SEMA6D: variants seen among roughly 807,000 people sequenced by gnomAD.
SEMA6D encodes the protein semaphorin-6D.
In SEMA6D, 35 loss-of-function variants were observed where a neutral mutation model predicts 106.6. The ratio of observed to expected loss-of-function variants is 0.33; its 90% CI spans 0.25 to 0.44. The LOEUF (loss-of-function observed/expected upper bound fraction) is 0.44, where lower values mean the gene tolerates loss of function less well. Among genes scored for constraint, SEMA6D ranks in the 20% least tolerant of loss-of-function variants. The probability of loss-of-function intolerance (pLI) is 1.00; values close to 1 mark genes in which losing one functional copy is unlikely to be tolerated. For missense variants in SEMA6D, 1,185 were observed against 1,345.9 expected (o/e 0.88, Z 1.87); for synonymous variants, 499 against 487.7 (o/e 1.02, Z -0.31).
intron 4 of SEMA6D, chr15:47,603,409 A>G (rs1349944655): frequency 6.6e-6 from 1 of 152,136 alleles, no homozygotes. Flanking sequence ...TTACTCCTTC[A>G]GGAAAGCAAC....
intron 1 of SEMA6D, among the ~76,000 whole-genome samples, chr15:47,343,272 A>ATTATTATTATTATTG (rs1016166275): frequency 0.014 from 2,091 of 150,442 alleles, 48 homozygotes; most frequent in African/African-American, 0.049. Flanking sequence ...TATTATTATT[A>ATTATTATTATTATTG]TACTTTAAGT....
chr15:47,641,171 G>C (rs1296072895), intron 4 of SEMA6D, among the ~76,000 whole-genome samples: 1 of 152,198 alleles, frequency 6.6e-6, no homozygotes, highest in Non-Finnish European at 1.5e-5. Context: ...TGCATGTGCA[G>C]CTTGGGGATC....
At chr15:47,719,456 T>C (rs2079294892) in intron 1 of SEMA6D, among the ~76,000 whole-genome samples, 1 of 152,214 alleles carries the variant, frequency 6.6e-6, no homozygotes, top group African/African-American at 2.4e-5. Flanking sequence ...GGACGATTTT[T>C]CCCCAAAACT....
intron 1 of SEMA6D, among the ~76,000 whole-genome samples, chr15:47,272,365 G>C (rs145870075): frequency 0.012 from 1,813 of 152,126 alleles, 41 homozygotes; most frequent in African/African-American, 0.042. Context: ...CAATTTAAAG[G>C]GTTGCAAAAT....
chr15:47,745,741 A>G (rs1032280543), intron 1 of SEMA6D, among the ~76,000 whole-genome samples: 1 of 152,220 alleles, frequency 6.6e-6, no homozygotes, highest in Admixed American at 6.5e-5. Context: ...CTTAAAATTC[A>G]CCTGGGCTGT....
chr15:47,589,977 ATT>A (rs1220918520), intron 3 of SEMA6D, among the ~76,000 whole-genome samples: 1 of 152,160 alleles, frequency 6.6e-6, no homozygotes, highest in Non-Finnish European at 1.5e-5. Context: ...TGGGGTCTGT[ATT>A]GGGCTGAATT....
intron 1 of SEMA6D, among the ~76,000 whole-genome samples, chr15:47,404,204 A>T (rs1170111007): frequency 2.0e-5 from 3 of 152,214 alleles, no homozygotes; most frequent in African/African-American, 4.8e-5. Context: ...TACCCTAGCA[A>T]GGAGAACCTC....
chr15:47,349,461 A>G (rs770280225), intron 1 of SEMA6D, among the ~76,000 whole-genome samples: 1 of 152,152 alleles, frequency 6.6e-6, no homozygotes, highest in Non-Finnish European at 1.5e-5. Flanking sequence ...CCAATTCAGT[A>G]TGCCAAGATG....
chr15:47,460,981 G>T (rs1037364644), intron 2 of SEMA6D, among the ~76,000 whole-genome samples: 24 of 152,164 alleles, frequency 1.6e-4, no homozygotes, highest in African/African-American at 5.8e-4. Flanking sequence ...TGTGACTCCT[G>T]CCTACTTCCT....
chr15:47,214,062 A>C (rs2030322460), intron 1 of SEMA6D, among the ~76,000 whole-genome samples: 1 of 152,160 alleles, frequency 6.6e-6, no homozygotes, highest in Non-Finnish European at 1.5e-5. Flanking sequence ...AATGTCATCC[A>C]TGTGTGTCAG....
intron 1 of SEMA6D, among the ~76,000 whole-genome samples, chr15:47,187,002 GAAAA>G (rs142698701): frequency 6.8e-6 from 1 of 147,994 alleles, no homozygotes; most frequent in Non-Finnish European, 1.5e-5. Flanking sequence ...TGTTCATAAA[GAAAA>G]AAAAAAGTCC....
chr15:47,708,938 A>G (rs2146034617), intron 4 of SEMA6D, among the ~76,000 whole-genome samples: 1 of 152,326 alleles, frequency 6.6e-6, no homozygotes, highest in African/African-American at 2.4e-5. Context: ...GTGCTCTATA[A>G]GAACCAAAAT....
intron 1 of SEMA6D, among the ~76,000 whole-genome samples, chr15:47,299,071 G>A (rs2035918333): frequency 3.9e-5 from 6 of 152,192 alleles, no homozygotes; most frequent in Admixed American, 3.9e-4. Flanking sequence ...GATGTAAGCA[G>A]AAGGTGCAGC....
At chr15:47,674,712 A>G (rs1485170661) in intron 4 of SEMA6D, among the ~76,000 whole-genome samples, 2 of 152,214 alleles carry the variant, frequency 1.3e-5, no homozygotes, top group South Asian at 2.1e-4. Context: ...CTTAGGGGAA[A>G]GGGCTGGCAG....
intron 2 of SEMA6D, among the ~76,000 whole-genome samples, chr15:47,412,818 GAGAAAGA>G (rs1422799339): frequency 6.6e-6 from 1 of 152,194 alleles, no homozygotes. Flanking sequence ...GATCAATGGG[GAGAAAGA>G]AAGGGAAAAT....
chr15:47,766,804 G>T lies in SEMA6D; in HGVS notation c.1708+127G>T, dbSNP rs80319945. 3.0e-3 allele frequency: 2,077 copies of T among 701,182 alleles called. 48 individuals are homozygous for T. In the African/African-American group the frequency reaches 0.033, roughly 11 times the overall value. 43.4% of individuals were successfully genotyped at this position (701,182 alleles called of 1,614,324 possible). ...CCACCTAGCATTTAACTTAAACTTC[G>T]CAAAAGCTGAGCTGTTCGGTCATGG... is the stretch of plus-strand genomic sequence containing the variant. On this transcript the variant is annotated intron_variant, in intron 16 of 18. Coordinates refer to ENST00000536845, the MANE Select transcript of SEMA6D (RefSeq NM_001358351.3).
chr15:47,595,497 G>A (rs1274908279), intron 3 of SEMA6D, among the ~76,000 whole-genome samples: 1 of 152,046 alleles, frequency 6.6e-6, no homozygotes, highest in African/African-American at 2.4e-5. Flanking sequence ...TTGTTGTTGA[G>A]GATTTTTGCA....
At chr15:47,283,788 C>T (rs781623491) in intron 1 of SEMA6D, among the ~76,000 whole-genome samples, 15 of 152,182 alleles carry the variant, frequency 9.9e-5, no homozygotes, top group South Asian at 2.1e-4. Flanking sequence ...TCATAGCCCA[C>T]CTACTCACCC....
At chr15:47,447,379 G>A (rs2042060824) in intron 2 of SEMA6D, among the ~76,000 whole-genome samples, 2 of 152,072 alleles carry the variant, frequency 1.3e-5, no homozygotes, top group African/African-American at 4.8e-5. Flanking sequence ...GCTGAAGGTT[G>A]AGTCTGTCAC....
Sources: gnomAD v4.1 joint callset for allele counts (sites outside exome capture counted in the v4.1 genomes callset) on GRCh38, gnomAD v4.1.1 for gene constraint, MANE v1.5 for transcripts, NCBI Gene and HGNC (gene_info 2026-07-23, HGNC 2026-07-21) for gene names.